ZSCAN5A: variants seen among roughly 807,000 people sequenced by gnomAD.
The protein encoded by ZSCAN5A is zinc finger and SCAN domain containing 5A.
ZSCAN5A carries 12 observed loss-of-function variants against 23.7 expected under a neutral mutation model. The observed-to-expected ratio is 0.51, with a 90% confidence interval of 0.32 to 0.82. The LOEUF (loss-of-function observed/expected upper bound fraction) is 0.82, where lower values mean the gene tolerates loss of function less well. Among genes scored for constraint, ZSCAN5A ranks in the 40% least tolerant of loss-of-function variants. ZSCAN5A has a pLI of 0.03. For synonymous variants in ZSCAN5A, 257 were observed against 239.9 expected, an observed-to-expected ratio of 1.07 and a Z score of -0.66; for missense variants, 597 against 617.9, an observed-to-expected ratio of 0.97 and a Z score of 0.36.
chr19:56,244,295 G>A (rs768576298), intron 2 of ZSCAN5A: 3 of 1,610,262 alleles, frequency 1.9e-6, no homozygotes, highest in East Asian at 2.2e-5. Flanking sequence ...GCAGATCCTG[G>A]ACATGCTGGT....
chr19:56,276,335 A>C (rs540213515), intron 2 of ZSCAN5A, among the ~76,000 whole-genome samples: 44 of 152,276 alleles, frequency 2.9e-4, no homozygotes, highest in African/African-American at 1.0e-3. Flanking sequence ...TGTCTGGGGA[A>C]GAGAGGCCTA....
At chr19:56,330,993 T>C (rs1021578016) in intron 2 of ZSCAN5A, among the ~76,000 whole-genome samples, 2 of 152,168 alleles carry the variant, frequency 1.3e-5, no homozygotes, top group Non-Finnish European at 2.9e-5. Context: ...TATGGTGAAA[T>C]GTAGGGGTCC....
At chr19:56,309,908 C>T (rs893165276) in intron 2 of ZSCAN5A, among the ~76,000 whole-genome samples, 4 of 152,038 alleles carry the variant, frequency 2.6e-5, no homozygotes, top group African/African-American at 9.7e-5. Context: ...CTGAGGGAAG[C>T]GTGTTCCAGC....
At chr19:56,232,889 C>T (rs2034586683) in intron 2 of ZSCAN5A, among the ~76,000 whole-genome samples, 1 of 152,084 alleles carries the variant, frequency 6.6e-6, no homozygotes, top group South Asian at 2.1e-4. Context: ...ACCATGTTGC[C>T]CAGGCTGGTC....
At chr19:56,248,384 C>T (rs996935738) in intron 2 of ZSCAN5A, among the ~76,000 whole-genome samples, 5 of 152,058 alleles carry the variant, frequency 3.3e-5, no homozygotes, top group East Asian at 1.9e-4. Context: ...TCTTGGCCGC[C>T]GGAGTAGCTG....
Position 56,313,263 on chromosome 19 carries a change from GA to G in ZSCAN5A, c.-128+19del. On this transcript the variant is annotated intron_variant, in intron 2 of 5. Coordinates refer to ENST00000683990, the MANE Select transcript of ZSCAN5A (RefSeq NM_001322064.3). ...ATCCAAGACTGGGCAATTTACAAAAGAAAGGTTTAATGGACTTACAGTTTCA... is the reference window on the plus strand; with the variant it reads ...ATCCAAGACTGGGCAATTTACAAAAGAAGGTTTAATGGACTTACAGTTTCA... 1 of 351,494 alleles carries G rather than the reference GA, an allele frequency of 2.8e-6. No individual in the cohort carries two copies. The highest frequency in any genetic ancestry group is 5.6e-6 in the Non-Finnish European group (1 of 179,068). 21.8% of individuals were successfully genotyped at this position (351,494 alleles called of 1,614,324 possible).
At chr19:56,242,671 T>C (rs2035521302) in intron 2 of ZSCAN5A, among the ~76,000 whole-genome samples, 1 of 152,238 alleles carries the variant, frequency 6.6e-6, no homozygotes, top group Non-Finnish European at 1.5e-5. Context: ...GGCTGCGTTC[T>C]CACAGCTGTT....
chr19:56,302,817 G>C, intron 2 of ZSCAN5A: 3 of 398,590 alleles, frequency 7.5e-6, no homozygotes, highest in Non-Finnish European at 1.3e-5. Flanking sequence ...CTCTCTCTCT[G>C]CCGCTGTCTC....
At chr19:56,362,797 G>GGAA (rs1470025992) in intron 2 of ZSCAN5A, among the ~76,000 whole-genome samples, 1 of 151,670 alleles carries the variant, frequency 6.6e-6, no homozygotes, top group Admixed American at 6.6e-5. Flanking sequence ...TGTGAACCAG[G>GGAA]GAAGCAGAGC....
At chr19:56,244,082 C>T (rs61742132) in intron 2 of ZSCAN5A, 36,438 of 1,288,556 alleles carry the variant, frequency 0.028, 677 homozygotes, top group Non-Finnish European at 0.035. Context: ...TCAGGGAGGA[C>T]CCTGCAACAG....
At chr19:56,222,786 G>GT (rs1388437239) in intron 4 of ZSCAN5A, 45 bp from the exon 5 acceptor site, 2 of 1,613,440 alleles carry the variant, frequency 1.2e-6, no homozygotes, top group South Asian at 2.2e-5. Context: ...GTCCAAACTG[G>GT]TGGAAGCAGG....
intron 2 of ZSCAN5A, among the ~76,000 whole-genome samples, chr19:56,256,964 C>G (rs1306537158): frequency 1.5e-4 from 23 of 151,640 alleles, no homozygotes; most frequent in Admixed American, 1.5e-3. Flanking sequence ...AGATGAGGAG[C>G]TGGTGGGAAG....
chr19:56,239,064 G>A (rs1192437092), intron 2 of ZSCAN5A, among the ~76,000 whole-genome samples: 1 of 152,206 alleles, frequency 6.6e-6, no homozygotes. Flanking sequence ...ATGACCTTGT[G>A]TCGGGCACTT....
At chr19:56,311,112 T>C (rs2041008741) in intron 2 of ZSCAN5A, among the ~76,000 whole-genome samples, 1 of 152,172 alleles carries the variant, frequency 6.6e-6, no homozygotes, top group African/African-American at 2.4e-5. Context: ...TGTTGTTGTA[T>C]AGGTCTATGG....
rs1034294382 is a variant in ZSCAN5A at position 56,234,497 on chromosome 19, T to A, written c.-127-9324A>T. Among the ~76,000 whole-genome samples, 18 of 148,652 alleles carry A rather than the reference T, an allele frequency of 1.2e-4. 1 individual carries two copies. The highest frequency in any genetic ancestry group is 1.8e-4 in the Non-Finnish European group (12 of 66,848). On this transcript the variant is annotated intron_variant, in intron 2 of 5. Transcript: ENST00000683990. ...ATTGTTTTATACTCAATACCTGTTT[T>A]AAAAAAAAAACAACAAGGAAGTAAA...
At chr19:56,363,916 C>T (rs1310816572) in intron 1 of ZSCAN5A, among the ~76,000 whole-genome samples, 1 of 152,154 alleles carries the variant, frequency 6.6e-6, no homozygotes, top group East Asian at 1.9e-4. Context: ...GCAACCTGGC[C>T]ATGTGGTAGA....
chr19:56,335,745 G>C (rs2041529332), intron 2 of ZSCAN5A, among the ~76,000 whole-genome samples: 1 of 152,174 alleles, frequency 6.6e-6, no homozygotes, highest in African/African-American at 2.4e-5. Flanking sequence ...TCCATGTTTA[G>C]TGCTTCCTTC....
At position 56,222,213 on chromosome 19, in the gene ZSCAN5A, T is replaced by C; in HGVS notation, c.853A>G (p.Ser285Gly). ...CVVEREASTH[S>G]GNRGDALNLS... ...TTCAGAGCGTCTCCTCTGTTCCCGC[T>C]GTGAGTCGAAGCTTCTCTCTCCACA... The change falls in exon 6 of 6, where the codon AGC becomes GGC. Residue 285 changes from serine (S) to glycine (G), a missense_variant. Coordinates refer to ENST00000683990, the MANE Select transcript of ZSCAN5A (RefSeq NM_001322064.3). 6.2e-7 allele frequency: 1 copy of C among 1,614,008 alleles called. No homozygotes were observed. Among genetic ancestry groups the C allele is most frequent in the Non-Finnish European group, 8.5e-7 (1 of 1,179,920 alleles).
At chr19:56,342,954 T>C in intron 2 of ZSCAN5A, 3 of 1,007,810 alleles carry the variant, frequency 3.0e-6, no homozygotes, top group Admixed American at 1.7e-5. Flanking sequence ...TGGTTATTCT[T>C]GCCCATTTTC....
Sources: gnomAD v4.1 joint callset for allele counts (sites outside exome capture counted in the v4.1 genomes callset) on GRCh38, gnomAD v4.1.1 for gene constraint, MANE v1.5 for transcripts, NCBI Gene and HGNC (gene_info 2026-07-23, HGNC 2026-07-21) for gene names.